The following BBOX1 variants were observed in gnomAD, a reference collection of about 807,000 sequenced individuals.
BBOX1 encodes the protein gamma-butyrobetaine hydroxylase 1.
A neutral mutation model predicts 41.6 loss-of-function variants in BBOX1; 35 were observed. The ratio of observed to expected loss-of-function variants is 0.84; its 90% confidence interval spans 0.64 to 1.11. BBOX1 has a LOEUF of 1.11. BBOX1 is among the 50% of genes most tolerant of loss of function. The probability of loss-of-function intolerance (pLI) is 0.00; values close to 1 mark genes in which losing one functional copy is unlikely to be tolerated. For synonymous variants in BBOX1, 163 were observed against 154.7 expected (o/e 1.05, Z -0.40); for missense variants, 458 against 460.6 (o/e 0.99, Z 0.05).
intron 4 of BBOX1, among the ~76,000 whole-genome samples, chr11:27,061,810 G>A (rs908693387): frequency 7.9e-5 from 12 of 152,068 alleles, no homozygotes; most frequent in Admixed American, 2.0e-4. Context: ...AGGAAGACAC[G>A]GATAATTATC....
intron 5 of BBOX1, among the ~76,000 whole-genome samples, chr11:27,111,403 G>C (rs943112718): frequency 6.6e-6 from 1 of 151,906 alleles, no homozygotes; most frequent in East Asian, 1.9e-4. Context: ...ACTATGCTCA[G>C]TATCTGGGGA....
At position 27,126,052 on chromosome 11, in the gene BBOX1, T is replaced by G. The variant is rs7118962; in HGVS notation, c.1003+232T>G. 6.9e-3 allele frequency among the ~76,000 whole-genome samples: 1,047 copies of G among 152,312 alleles called. 10 individuals carry two copies. Among genetic ancestry groups the G allele is most frequent in the Non-Finnish European group, 0.011 (767 of 68,032 alleles). On this transcript the variant is annotated intron_variant, in intron 8 of 8. Coordinates refer to ENST00000263182, the MANE Select transcript of BBOX1 (RefSeq NM_003986.3). ...AGAAATATCCTCATGATTCTTACTC[T>G]AACACACACAAGTGATGCTTACTCA...
intron 5 of BBOX1, among the ~76,000 whole-genome samples, chr11:27,099,666 C>T (rs1438350151): frequency 6.6e-6 from 1 of 152,062 alleles, no homozygotes; most frequent in Non-Finnish European, 1.5e-5. Context: ...AACAGGGAAG[C>T]AGTCTAATCA....
intron 7 of BBOX1, among the ~76,000 whole-genome samples, chr11:27,125,223 T>C (rs971457661): frequency 6.6e-6 from 1 of 152,164 alleles, no homozygotes; most frequent in Non-Finnish European, 1.5e-5. Context: ...ATTTAAAAAA[T>C]AGAATTTTCT....
At chr11:27,054,234 T>TGTGTGTGTGTGTGTGTGTGTGTGTGTGC in intron 2 of BBOX1, among the ~76,000 whole-genome samples, 1 of 148,188 alleles carries the variant, frequency 6.7e-6, no homozygotes. Context: ...TGTGTGTGTG[T>TGTGTGTGTGTGTGTGTGTGTGTGTGTGC]GCGTGCACAT....
chr11:27,055,507 A>C lies in BBOX1; in HGVS notation c.77A>C (p.Glu26Ala), dbSNP rs765894356. The C allele has an allele frequency of 6.2e-7, 1 of 1,614,070 alleles. No homozygotes were observed. The highest frequency in any genetic ancestry group is 1.3e-5 in the African/African-American group (1 of 74,938). Residue 26 changes from glutamate (E) to alanine (A), a missense_variant, in exon 3 of 9, where the codon GAG becomes GCG. Coordinates refer to ENST00000263182, the MANE Select transcript of BBOX1 (RefSeq NM_003986.3). ...LMQILWYDEE[E>A]SLYPAVWLRD... ...CAGATCCTCTGGTATGATGAGGAAGAGTCTCTCTACCCAGCTGTATGGTTG... is the reference window on the plus strand; with the variant it reads ...CAGATCCTCTGGTATGATGAGGAAGCGTCTCTCTACCCAGCTGTATGGTTG...
chr11:27,115,376 A>G (rs2134094511), intron 5 of BBOX1, 76 bp from the exon 6 acceptor site: 2 of 1,171,620 alleles, frequency 1.7e-6, no homozygotes, highest in Non-Finnish European at 2.4e-6. Flanking sequence ...TTCTCCCCAC[A>G]TATCAAATTC....
chr11:27,116,711 C>A (rs1302300373), intron 6 of BBOX1, among the ~76,000 whole-genome samples: 1 of 151,902 alleles, frequency 6.6e-6, no homozygotes. Flanking sequence ...ATGCATATGG[C>A]AACTAGAAGA....
intron 4 of BBOX1, among the ~76,000 whole-genome samples, chr11:27,079,116 T>C (rs1261979043): frequency 6.6e-6 from 1 of 152,176 alleles, no homozygotes. Flanking sequence ...TCCCCTTACA[T>C]GAAGAACAAT....
At chr11:27,093,722 G>A (rs184735554) in intron 5 of BBOX1, among the ~76,000 whole-genome samples, 16 of 152,074 alleles carry the variant, frequency 1.1e-4, no homozygotes, top group Admixed American at 2.0e-4. Flanking sequence ...GGTTCTGGCA[G>A]GGTTGGTTTC....
At chr11:27,057,125 A>T in intron 3 of BBOX1, 76 bp from the exon 4 acceptor site, 1 of 830,272 alleles carries the variant, frequency 1.2e-6, no homozygotes, top group South Asian at 2.1e-5. Context: ...TATCTTAAAC[A>T]GCATTCAAAA....
In BBOX1 at chr11:27,055,773, G is replaced by C. The variant is rs574993717; in HGVS notation, c.219+124G>C. On this transcript the variant is annotated intron_variant, in intron 3 of 8. Transcript: ENST00000263182. The stretch of plus-strand genomic sequence containing the variant: ...TATAACCGCATATGAACCCACGTTT[G>C]TATAGTACTTGGTGCGAATTAAGTA... 94 of 786,150 alleles carry C rather than the reference G, an allele frequency of 1.2e-4. No homozygotes were observed. The South Asian group carries it at 1.6e-3, about 14-fold the overall frequency. 48.7% of individuals were successfully genotyped at this position (786,150 alleles called of 1,614,324 possible). A position where few individuals can be genotyped will look rare whatever the true frequency, so the allele number is the denominator to read the frequency against.
At chr11:27,108,375 T>C (rs1339959460) in intron 5 of BBOX1, among the ~76,000 whole-genome samples, 1 of 152,168 alleles carries the variant, frequency 6.6e-6, no homozygotes, top group Non-Finnish European at 1.5e-5. Flanking sequence ...ATAATTCAAA[T>C]AGTCATTTCC....
At chr11:27,107,812 T>A (rs2134077522) in intron 5 of BBOX1, among the ~76,000 whole-genome samples, 1 of 152,190 alleles carries the variant, frequency 6.6e-6, no homozygotes, top group Non-Finnish European at 1.5e-5. Flanking sequence ...GCTGCAAATA[T>A]GTTTGCATTT....
intron 4 of BBOX1, among the ~76,000 whole-genome samples, chr11:27,076,620 G>C (rs1857639017): frequency 1.3e-5 from 2 of 152,088 alleles, no homozygotes; most frequent in South Asian, 4.1e-4. Context: ...CAATGAGTGG[G>C]GCCATAAAGC....
chr11:27,090,568 G>A (rs1224853880), intron 4 of BBOX1, among the ~76,000 whole-genome samples: 1 of 151,866 alleles, frequency 6.6e-6, no homozygotes, highest in East Asian at 1.9e-4. Context: ...AAGGCAAAGG[G>A]CAAAAGCAGA....
intron 4 of BBOX1, 34 bp downstream of exon 4, chr11:27,057,349 AC>A: frequency 6.7e-7 from 1 of 1,499,916 alleles, no homozygotes; most frequent in Non-Finnish European, 9.2e-7. Context: ...GTCTTTTTAA[AC>A]CCTTACAGTA....
chr11:27,043,505 C>T (rs1851403783), intron 2 of BBOX1, among the ~76,000 whole-genome samples: 1 of 147,458 alleles, frequency 6.8e-6, no homozygotes, highest in Admixed American at 6.7e-5. Context: ...TTTGCTGCAC[C>T]TATCAACGCG....
At chr11:27,089,644 T>C (rs544598045) in intron 4 of BBOX1, among the ~76,000 whole-genome samples, 5 of 152,094 alleles carry the variant, frequency 3.3e-5, no homozygotes, top group African/African-American at 9.6e-5. Context: ...GAAAAATCAA[T>C]ATGAAAATGC....
Sources: gnomAD v4.1 joint callset for allele counts (sites outside exome capture counted in the v4.1 genomes callset) on GRCh38, gnomAD v4.1.1 for gene constraint, MANE v1.5 for transcripts, NCBI Gene and HGNC (gene_info 2026-07-23, HGNC 2026-07-21) for gene names.